Variants in TMEM178A observed in about 807,000 individuals in gnomAD.
TMEM178A encodes the protein transmembrane protein 178.
Under a neutral mutation model 29.1 loss-of-function variants are expected in TMEM178A, and 12 were observed. The ratio of observed to expected loss-of-function variants is 0.41; its 90% CI spans 0.26 to 0.67. TMEM178A has a LOEUF of 0.67. TMEM178A is among the 30% of genes least tolerant of loss of function. The pLI is 0.29. For synonymous variants in TMEM178A, 210 were observed against 187.2 expected (o/e 1.12, Z -0.99); for missense variants, 366 against 419.1 (o/e 0.87, Z 1.11).
intron 1 of TMEM178A, among the ~76,000 whole-genome samples, chr2:39,699,528 C>T (rs970774535): frequency 1.3e-5 from 2 of 151,954 alleles, no homozygotes; most frequent in African/African-American, 2.4e-5. Context: ...GCAATCTCAG[C>T]TCACTGCAGC....
chr2:39,681,324 T>C (rs2148066702), intron 1 of TMEM178A, among the ~76,000 whole-genome samples: 1 of 152,336 alleles, frequency 6.6e-6, no homozygotes, highest in South Asian at 2.1e-4. Context: ...CTGATTCTCA[T>C]TGAAAGAGCC....
intron 1 of TMEM178A, among the ~76,000 whole-genome samples, chr2:39,680,636 G>GCAAAA (rs1362709297): frequency 6.6e-6 from 1 of 152,128 alleles, no homozygotes; most frequent in African/African-American, 2.4e-5. Context: ...AGTAGAGAAT[G>GCAAAA]CAAAAGGAGT....
chr2:39,726,418 AGT>A, the TMEM178A span, among the ~76,000 whole-genome samples: 2 of 152,202 alleles, frequency 1.3e-5, no homozygotes, highest in Admixed American at 1.3e-4. Context: ...GTAGAATGAA[AGT>A]GAGAGTGTTG....
chr2:39,728,401 A>T, the TMEM178A span, among the ~76,000 whole-genome samples: 1 of 152,154 alleles, frequency 6.6e-6, no homozygotes, highest in Non-Finnish European at 1.5e-5. Flanking sequence ...CACTGTTCTC[A>T]GATCTACAGG....
At chr2:39,686,058 G>T (rs1671064586) in intron 1 of TMEM178A, among the ~76,000 whole-genome samples, 2 of 152,348 alleles carry the variant, frequency 1.3e-5, no homozygotes, top group Admixed American at 1.3e-4. Context: ...TGCTCTCTGA[G>T]ACCTTTTGCA....
the TMEM178A span, among the ~76,000 whole-genome samples, chr2:39,730,678 T>C: frequency 6.6e-6 from 1 of 152,192 alleles, no homozygotes; most frequent in African/African-American, 2.4e-5. Context: ...CAATGGATGG[T>C]ATGGAATATG....
downstream of TMEM178A, among the ~76,000 whole-genome samples, chr2:39,720,711 G>C (rs753451912): frequency 2.6e-5 from 4 of 152,112 alleles, no homozygotes; most frequent in Non-Finnish European, 5.9e-5. Context: ...AATCTTTGTG[G>C]AATCAATACA....
At chr2:39,720,178 A>T (rs1005010091), downstream of TMEM178A, among the ~76,000 whole-genome samples, 2 of 152,156 alleles carry the variant, frequency 1.3e-5, no homozygotes, top group South Asian at 4.1e-4. Flanking sequence ...TCATTATTTG[A>T]ATCTAGCCCT....
At chr2:39,709,205 A>C (rs1219222176) in intron 3 of TMEM178A, among the ~76,000 whole-genome samples, 1 of 152,162 alleles carries the variant, frequency 6.6e-6, no homozygotes, top group Admixed American at 6.5e-5. Context: ...GGCATGTTCA[A>C]CCACCCTGCA....
chr2:39,704,087 C>A lies in TMEM178A; in HGVS notation c.407C>A (p.Ala136Glu). 1 of 1,613,884 alleles carries A rather than the reference C, an allele frequency of 6.2e-7. No individual in the cohort carries two copies. The highest frequency in any genetic ancestry group is 8.5e-7 in the Non-Finnish European group (1 of 1,179,860). The change falls in exon 2 of 4, where the codon GCG (alanine) becomes GAG (glutamate). Residue 136 changes from alanine to glutamate, a missense_variant. By Grantham distance (107) the Ala-to-Glu change is moderately radical (BLOSUM62 -1). Around this residue, in one of 2 missense-constraint regions of TMEM178A, gnomAD observed 247 missense variants for 246.8 expected, o/e 1.00. Coordinates refer to ENST00000281961, the MANE Select transcript of TMEM178A (RefSeq NM_152390.3). ...GTTTCTTATTTCCTTCAAGGTATTG[C>A]GCAGCGATGCACGGCCATCAAGTAC... ...DIDTLILKGIAQRCTAIKYHF... is the reference protein window; with the variant it reads ...DIDTLILKGIEQRCTAIKYHF...
At chr2:39,704,226 A>T (rs748603542) in intron 2 of TMEM178A, 32 bp downstream of exon 2, 1 of 1,590,248 alleles carries the variant, frequency 6.3e-7, no homozygotes, top group Non-Finnish European at 8.6e-7. Context: ...TCAGAGAGGA[A>T]ATGGTGTCAT....
At chr2:39,692,754 T>C (rs1671377672) in intron 1 of TMEM178A, among the ~76,000 whole-genome samples, 1 of 152,202 alleles carries the variant, frequency 6.6e-6, no homozygotes, top group African/African-American at 2.4e-5. Context: ...TAATGTGAGA[T>C]TGTGTGACCG....
chr2:39,709,815 CAGTAGGAGG>C (rs1672223969), intron 3 of TMEM178A, among the ~76,000 whole-genome samples: 1 of 152,192 alleles, frequency 6.6e-6, no homozygotes, highest in Admixed American at 6.5e-5. Flanking sequence ...ACAAAAGCCT[CAGTAGGAGG>C]AGTTTTTAAA....
downstream of TMEM178A, among the ~76,000 whole-genome samples, chr2:39,721,422 T>A (rs572532301): frequency 3.8e-4 from 58 of 152,302 alleles, 2 homozygotes; most frequent in Middle Eastern, 6.8e-3. Context: ...TTATTTCCAA[T>A]TTTTTTCTCC....
intron 1 of TMEM178A, among the ~76,000 whole-genome samples, chr2:39,671,620 A>C (rs947370333): frequency 6.6e-6 from 1 of 152,194 alleles, no homozygotes; most frequent in African/African-American, 2.4e-5. Flanking sequence ...TCTGTGATTT[A>C]TGTTTATTCA....
At chr2:39,669,575 G>T (rs1474709113) in intron 1 of TMEM178A, among the ~76,000 whole-genome samples, 1 of 152,176 alleles carries the variant, frequency 6.6e-6, no homozygotes, top group Non-Finnish European at 1.5e-5. Context: ...ATCTAGCCCA[G>T]AGCCTGGAAT....
rs1670142316 is a variant in TMEM178A at position 39,666,126 on chromosome 2, A to T, written c.152A>T (p.Asp51Val). The T allele has an allele frequency of 3.3e-6, 5 of 1,536,232 alleles. No individual in the cohort carries two copies. In the South Asian group the frequency reaches 6.0e-5, roughly 18 times the overall value. Residue 51 changes from aspartate (D) to valine (V), a missense_variant, in exon 1 of 4, where the codon GAC (aspartate) becomes GTC (valine). Coordinates refer to ENST00000281961, the MANE Select transcript of TMEM178A (RefSeq NM_152390.3). ...ESCERSRAGA[D>V]PPDQKNRLMP... ...TGCGAGCGCAGCCGCGCGGGCGCCG[A>T]CCCCCCGGACCAGAAGAACCGCCTG...
At chr2:39,710,985 C>T (rs757455487) in intron 3 of TMEM178A, among the ~76,000 whole-genome samples, 2 of 152,236 alleles carry the variant, frequency 1.3e-5, no homozygotes, top group Admixed American at 6.5e-5. Context: ...TGCTGACTGT[C>T]GATGCACATC....
At chr2:39,720,587 G>A (rs1299690938), downstream of TMEM178A, among the ~76,000 whole-genome samples, 5 of 152,204 alleles carry the variant, frequency 3.3e-5, no homozygotes, top group East Asian at 1.9e-4. Context: ...GTTACGCTCC[G>A]CACATGAATT....
Sources: allele counts gnomAD v4.1 joint callset (sites outside exome capture counted in the v4.1 genomes callset), GRCh38; gene constraint gnomAD v4.1.1; regional missense constraint gnomAD v4.1.1; transcripts MANE v1.5; gene names NCBI Gene and HGNC (gene_info 2026-07-23, HGNC 2026-07-21).